NAV2: variants seen among roughly 807,000 people sequenced by gnomAD.
NAV2 encodes the protein neuron navigator 2.
A neutral mutation model predicts 223.2 loss-of-function variants in NAV2; 54 were observed. The ratio of observed to expected loss-of-function variants is 0.24; its 90% CI spans 0.19 to 0.30. The LOEUF is 0.30. Among genes scored for constraint, NAV2 ranks in the 10% least tolerant of loss-of-function variants. The pLI, the probability that NAV2 is intolerant of heterozygous loss-of-function variation, is 1.00. For synonymous variants in NAV2, 1,279 were observed against 1,239.3 expected, an observed-to-expected ratio of 1.03 and a Z score of -0.67; for missense variants, 2,806 against 3,147.5, an observed-to-expected ratio of 0.89 and a Z score of 2.60.
chr11:19,985,534 C>T (rs906039125), intron 11 of NAV2, among the ~76,000 whole-genome samples: 1 of 144,632 alleles, frequency 6.9e-6, no homozygotes, highest in Non-Finnish European at 1.5e-5. Flanking sequence ...AAACATGAAC[C>T]ATTTGAGAAA....
chr11:19,818,230 GATTTT>G (rs2059202083), intron 1 of NAV2, among the ~76,000 whole-genome samples: 1 of 74,020 alleles, frequency 1.4e-5, no homozygotes, highest in Non-Finnish European at 2.5e-5. Flanking sequence ...TGTATTTAGT[GATTTT>G]TTTTTTTTTT....
At chr11:19,664,815 T>A (rs118043042) in intron 1 of NAV2, among the ~76,000 whole-genome samples, 1 of 152,204 alleles carries the variant, frequency 6.6e-6, no homozygotes, top group Non-Finnish European at 1.5e-5. Flanking sequence ...TGGAAGAACA[T>A]GTATTGAACA....
chr11:19,891,951 A>G (rs867021694), intron 5 of NAV2, among the ~76,000 whole-genome samples: 10 of 151,972 alleles, frequency 6.6e-5, no homozygotes, highest in Admixed American at 2.0e-4. Flanking sequence ...AAAAAAATGA[A>G]CTTTGTTTTT....
At chr11:19,431,655 CAG>C (rs1256504123) in intron 1 of NAV2, among the ~76,000 whole-genome samples, 3 of 152,046 alleles carry the variant, frequency 2.0e-5, no homozygotes, top group African/African-American at 7.2e-5. Context: ...ATTTACAGAG[CAG>C]AGAGTAACAA....
At chr11:19,985,965 C>T (rs2050761907) in intron 11 of NAV2, among the ~76,000 whole-genome samples, 1 of 152,114 alleles carries the variant, frequency 6.6e-6, no homozygotes, top group South Asian at 2.1e-4. Context: ...TCAGTTGCTA[C>T]AACACCCCCA....
chr11:19,400,386 TG>T (rs1849633554), intron 1 of NAV2, among the ~76,000 whole-genome samples: 1 of 152,330 alleles, frequency 6.6e-6, no homozygotes, highest in Admixed American at 6.5e-5. Context: ...GGCATTACCC[TG>T]GCTTTCCCAT....
intron 1 of NAV2, among the ~76,000 whole-genome samples, chr11:19,789,870 C>T (rs555967900): frequency 6.3e-4 from 96 of 152,328 alleles, no homozygotes; most frequent in African/African-American, 2.3e-3. Flanking sequence ...TTTACATTCT[C>T]AGACTGCTTT....
chr11:19,544,013 A>AGG (rs2044413421), intron 1 of NAV2, among the ~76,000 whole-genome samples: 1 of 152,258 alleles, frequency 6.6e-6, no homozygotes, highest in Non-Finnish European at 1.5e-5. Context: ...ATATATACTT[A>AGG]CTACAACATG....
intron 4 of NAV2, among the ~76,000 whole-genome samples, chr11:19,876,803 A>G (rs2062858927): frequency 6.6e-6 from 1 of 151,496 alleles, no homozygotes; most frequent in South Asian, 2.1e-4. Context: ...TTTTTCTTGC[A>G]TGGTTAAAAA....
chr11:19,858,973 A>T (rs2061532331), intron 3 of NAV2, among the ~76,000 whole-genome samples: 1 of 152,076 alleles, frequency 6.6e-6, no homozygotes, highest in Admixed American at 6.5e-5. Flanking sequence ...ATTGACATAT[A>T]TCCACCCACC....
chr11:20,060,644 G>C (rs2058643872), intron 19 of NAV2, among the ~76,000 whole-genome samples: 1 of 152,340 alleles, frequency 6.6e-6, no homozygotes, highest in Non-Finnish European at 1.5e-5. Context: ...GGGCTCAGAG[G>C]GAGGAGGAAG....
chr11:19,419,440 C>A (rs1850518762), intron 1 of NAV2, among the ~76,000 whole-genome samples: 1 of 152,166 alleles, frequency 6.6e-6, no homozygotes, highest in Admixed American at 6.5e-5. Context: ...GTGCATACCT[C>A]AGGACAGCTG....
chr11:19,747,820 G>A (rs963635306), intron 1 of NAV2, among the ~76,000 whole-genome samples: 1 of 152,210 alleles, frequency 6.6e-6, no homozygotes, highest in Non-Finnish European at 1.5e-5. Flanking sequence ...TTCCAGGAAA[G>A]AGCTACTGTG....
chr11:19,589,476 C>T (rs1282290929), intron 1 of NAV2, among the ~76,000 whole-genome samples: 4 of 152,050 alleles, frequency 2.6e-5, no homozygotes, highest in African/African-American at 2.4e-5. Flanking sequence ...AGGTCAGGGC[C>T]CTGGAAAAAG....
intron 11 of NAV2, among the ~76,000 whole-genome samples, chr11:20,025,716 TG>T (rs1425723424): frequency 9.2e-5 from 14 of 152,230 alleles, no homozygotes; most frequent in Non-Finnish European, 2.1e-4. Flanking sequence ...TTATGCGGTT[TG>T]TGTTTTCCTC....
At chr11:19,966,743 C>T (rs1222404128) in intron 10 of NAV2, among the ~76,000 whole-genome samples, 1 of 152,218 alleles carries the variant, frequency 6.6e-6, no homozygotes, top group East Asian at 1.9e-4. Flanking sequence ...TGGTCTCCCT[C>T]CTCTGAGTTT....
chr11:19,714,035 AAAG>A lies in NAV2; in HGVS notation c.267+74_267+76del. The A allele has an allele frequency of 1.0e-5, 16 of 1,560,344 alleles. 1 individual carries two copies. The South Asian group carries it at 1.7e-4, about 16-fold the overall frequency. On this transcript the variant is annotated intron_variant, in intron 1 of 37. Transcript: ENST00000349880. ...TAGTTCTTTCGGGATGGTGTGGGAG[AAAG>A]GGCTGGATGGGAGAAGGGTCTACCA... is the stretch of plus-strand genomic sequence containing the variant.
At chr11:19,911,179 T>C (rs935872730) in intron 6 of NAV2, among the ~76,000 whole-genome samples, 5 of 152,000 alleles carry the variant, frequency 3.3e-5, no homozygotes, top group African/African-American at 1.2e-4. Flanking sequence ...GTGCTTGGAA[T>C]AGGGACAGGA....
At chr11:19,841,561 C>T (rs2060511826) in intron 2 of NAV2, among the ~76,000 whole-genome samples, 1 of 152,134 alleles carries the variant, frequency 6.6e-6, no homozygotes, top group Admixed American at 6.5e-5. Context: ...TAGGCTCTCA[C>T]AGCATATTTT....
Sources: gnomAD v4.1 joint callset for allele counts (sites outside exome capture counted in the v4.1 genomes callset) on GRCh38, gnomAD v4.1.1 for gene constraint, MANE v1.5 for transcripts, NCBI Gene and HGNC (gene_info 2026-07-23, HGNC 2026-07-21) for gene names.